KANK4: variants seen among roughly 807,000 people sequenced by gnomAD.
KANK4 encodes KN motif and ankyrin repeat domains 4, also known as KN motif and ankyrin repeat domain-containing protein 4.
A neutral mutation model predicts 80.8 loss-of-function variants in KANK4; 50 were observed. The observed-to-expected ratio is 0.62, with a 90% confidence interval of 0.49 to 0.78. The LOEUF (loss-of-function observed/expected upper bound fraction) is 0.78. Ranked by LOEUF, KANK4 falls within the 30% of genes least tolerant of loss-of-function variation. The pLI is 0.00. For missense variants in KANK4, 1,196 were observed against 1,240.1 expected, an observed-to-expected ratio of 0.96 and a Z score of 0.53; for synonymous variants, 465 against 506.9, an observed-to-expected ratio of 0.92 and a Z score of 1.11.
chr1:62,254,682 T>C (rs1054989567), intron 7 of KANK4, among the ~76,000 whole-genome samples: 4 of 151,572 alleles, frequency 2.6e-5, no homozygotes, highest in African/African-American at 4.9e-5. Flanking sequence ...GCCTCCTGAG[T>C]AGCTAGGACT....
At chr1:62,271,423 C>T (rs1672158429) in intron 4 of KANK4, 55 bp downstream of exon 4, 1 of 1,165,354 alleles carries the variant, frequency 8.6e-7, no homozygotes, top group Non-Finnish European at 1.3e-6. Context: ...GTGCAAAGGA[C>T]AATAGCAGGA....
chr1:62,238,416 A>C, intron 9 of KANK4, 35 bp from the exon 10 acceptor site: 7 of 1,577,934 alleles, frequency 4.4e-6, no homozygotes, highest in Non-Finnish European at 5.2e-6. Context: ...AATAAATATC[A>C]TCCAATCTGC....
At position 62,274,771 on chromosome 1, in the gene KANK4, C is replaced by T. The variant is rs749372036; in HGVS notation, c.333G>A (p.Pro111=). Residue 111 remains proline (P), a synonymous_variant, in exon 3 of 10, where the codon CCG becomes CCA. Coordinates refer to ENST00000371153, the MANE Select transcript of KANK4 (RefSeq NM_181712.5). Reference sequence around the variant, plus strand: ...TTGAGGCCTGGGGGGCATTACCAAGCGGTGGTGACTGGTTTTGCTCCTGTG... The same window carrying T: ...TTGAGGCCTGGGGGGCATTACCAAGTGGTGGTGACTGGTTTTGCTCCTGTG... ...LGTQEQNQSP[P]LGNAPQASTS... is the part of the protein sequence containing the mutation. 2.0e-5 allele frequency: 32 copies of T among 1,613,926 alleles called. 1 individual carries two copies. The African/African-American group carries it at 2.8e-4, about 14-fold the overall frequency.
intron 9 of KANK4, among the ~76,000 whole-genome samples, chr1:62,243,496 G>A (rs1671394351): frequency 1.3e-5 from 2 of 152,006 alleles, no homozygotes; most frequent in African/African-American, 4.8e-5. Flanking sequence ...GTGCCACCAT[G>A]CCTGGCTAAT....
chr1:62,305,309 A>AT (rs10710729), intron 1 of KANK4, among the ~76,000 whole-genome samples: 15 of 151,102 alleles, frequency 9.9e-5, no homozygotes, highest in Non-Finnish European at 1.9e-4. Flanking sequence ...ATTGCTTGAG[A>AT]TTTTTTTTTT....
At chr1:62,317,053 A>C (rs1644547808) in intron 1 of KANK4, among the ~76,000 whole-genome samples, 1 of 152,220 alleles carries the variant, frequency 6.6e-6, no homozygotes, top group Admixed American at 6.5e-5. Context: ...TGCAAAGGCA[A>C]CGCGTGGCCC....
intron 1 of KANK4, among the ~76,000 whole-genome samples, chr1:62,282,712 G>A (rs919762810): frequency 6.6e-6 from 1 of 152,238 alleles, no homozygotes; most frequent in Non-Finnish European, 1.5e-5. Context: ...TCCTGCGAGT[G>A]CTGCTTCTGC....
At chr1:62,273,120 TAA>T in intron 3 of KANK4, 82 bp downstream of exon 3, 2 of 988,608 alleles carry the variant, frequency 2.0e-6, no homozygotes, top group Non-Finnish European at 2.9e-6. Context: ...CATGTTAATA[TAA>T]TTGAAAACCT....
intron 1 of KANK4, among the ~76,000 whole-genome samples, chr1:62,294,272 G>C (rs985163718): frequency 3.3e-5 from 5 of 152,190 alleles, no homozygotes; most frequent in African/African-American, 1.2e-4. Flanking sequence ...AGTCCAGAGG[G>C]CTTGGAAACC....
chr1:62,287,760 G>A (rs1186512113), intron 1 of KANK4, among the ~76,000 whole-genome samples: 2 of 152,204 alleles, frequency 1.3e-5, no homozygotes, highest in Non-Finnish European at 2.9e-5. Context: ...TCTTGCTCAA[G>A]ATGGAGGTTA....
intron 1 of KANK4, among the ~76,000 whole-genome samples, chr1:62,309,247 C>T (rs571181639): frequency 3.9e-5 from 6 of 152,356 alleles, no homozygotes; most frequent in African/African-American, 1.4e-4. Context: ...TCTAAGAGCA[C>T]TATCCCATTT....
chr1:62,263,343 G>A lies in KANK4; in HGVS notation c.2320-32C>T, dbSNP rs2262106. ...CCCCAAAAAAGACCAATTCCAAGAG[G>A]TTCCCCGGCCAGCAAGAGTTCCTCC... On this transcript the variant is annotated intron_variant, in intron 6 of 9. Coordinates refer to ENST00000371153, the MANE Select transcript of KANK4 (RefSeq NM_181712.5). 1,147,949 of 1,569,694 alleles carry A rather than the reference G, an allele frequency of 0.73. 423,140 individuals are homozygous for A. The highest frequency in any genetic ancestry group is 0.83 in the Admixed American group (47,830 of 57,426).
chr1:62,292,054 A>G (rs1180510815), intron 1 of KANK4, among the ~76,000 whole-genome samples: 2 of 151,946 alleles, frequency 1.3e-5, no homozygotes, highest in South Asian at 2.1e-4. Context: ...TCCACTCCCC[A>G]TTCCCTCCCA....
chr1:62,250,770 G>C (rs1295234885), intron 8 of KANK4, among the ~76,000 whole-genome samples: 1 of 152,204 alleles, frequency 6.6e-6, no homozygotes, highest in African/African-American at 2.4e-5. Context: ...GCTGTATTGA[G>C]TCTTAAGGGA....
chr1:62,285,187 A>G (rs1672537115), intron 1 of KANK4, among the ~76,000 whole-genome samples: 2 of 152,312 alleles, frequency 1.3e-5, no homozygotes, highest in Non-Finnish European at 2.9e-5. Context: ...TGACTCCATC[A>G]TTCCACAGTG....
At chr1:62,312,086 C>T (rs1013432079) in intron 1 of KANK4, among the ~76,000 whole-genome samples, 4 of 151,894 alleles carry the variant, frequency 2.6e-5, no homozygotes, top group African/African-American at 7.3e-5. Context: ...AAATAAAATG[C>T]ATAGCTTGAC....
chr1:62,308,117 C>T (rs1644468208), intron 1 of KANK4, among the ~76,000 whole-genome samples: 2 of 152,200 alleles, frequency 1.3e-5, no homozygotes, highest in South Asian at 4.1e-4. Flanking sequence ...CAGGAACCAG[C>T]ATTCACCTCT....
chr1:62,311,673 G>T (rs751004537), intron 1 of KANK4, among the ~76,000 whole-genome samples: 2 of 152,166 alleles, frequency 1.3e-5, no homozygotes, highest in Non-Finnish European at 2.9e-5. Context: ...TTGCGCGCTA[G>T]GTGGTTGTTC....
At chr1:62,267,819 C>T (rs1359045641) in intron 5 of KANK4, among the ~76,000 whole-genome samples, 1 of 136,208 alleles carries the variant, frequency 7.3e-6, no homozygotes, top group Non-Finnish European at 1.6e-5. Context: ...AAAAAAAAGA[C>T]ACATCACTTT....
Sources: allele counts gnomAD v4.1 joint callset (sites outside exome capture counted in the v4.1 genomes callset), GRCh38; gene constraint gnomAD v4.1.1; transcripts MANE v1.5; gene names NCBI Gene and HGNC (gene_info 2026-07-23, HGNC 2026-07-21).